The following RBPMS variants were observed in gnomAD, a reference collection of about 807,000 sequenced individuals.
RBPMS encodes the protein RNA binding protein, mRNA processing factor, also known as RNA-binding protein with multiple splicing.
Under a neutral mutation model 26.8 loss-of-function variants are expected in RBPMS, and 7 were observed. The ratio of observed to expected loss-of-function variants is 0.26; its 90% CI spans 0.15 to 0.49. The LOEUF (loss-of-function observed/expected upper bound fraction) is 0.49. Among genes scored for constraint, RBPMS ranks in the 20% least tolerant of loss-of-function variants. The pLI is 0.98. For synonymous variants in RBPMS, 96 were observed against 93.3 expected, an observed-to-expected ratio of 1.03 and a Z score of -0.17; for missense variants, 186 against 250.0, an observed-to-expected ratio of 0.74 and a Z score of 1.73.
intron 5 of RBPMS, among the ~76,000 whole-genome samples, chr8:30,504,709 G>A (rs1820912686): frequency 6.6e-6 from 1 of 152,184 alleles, no homozygotes; most frequent in East Asian, 1.9e-4. Flanking sequence ...TGACCATCAT[G>A]AGTATGCCCC....
intron 1 of RBPMS, among the ~76,000 whole-genome samples, chr8:30,414,387 G>A (rs1809816645): frequency 6.6e-6 from 1 of 152,224 alleles, no homozygotes; most frequent in African/African-American, 2.4e-5. Flanking sequence ...GTGGTGGGAA[G>A]TGGGACAAAG....
At chr8:30,554,573 G>A (rs371782399) in intron 6 of RBPMS, among the ~76,000 whole-genome samples, 3 of 152,196 alleles carry the variant, frequency 2.0e-5, no homozygotes, top group South Asian at 2.1e-4. Flanking sequence ...CATACTTTTC[G>A]AAACCTTAAT....
intron 1 of RBPMS, among the ~76,000 whole-genome samples, chr8:30,431,476 G>A (rs572302989): frequency 2.1e-5 from 3 of 145,692 alleles, no homozygotes; most frequent in Non-Finnish European, 3.0e-5. Context: ...TTCTTGAGAC[G>A]GACTCTCTCA....
rs1351218346 is a variant in RBPMS at position 30,426,822 on chromosome 8, GCCTGTGGGCATCCTCC to G, written c.66+41667_66+41682del. 5.3e-3 allele frequency among the ~76,000 whole-genome samples: 806 copies of G among 152,144 alleles called. 10 individuals are homozygous for G. The highest frequency in any genetic ancestry group is 0.018 in the African/African-American group (762 of 41,508). On this transcript the variant is annotated intron_variant, in intron 1 of 8. Transcript: ENST00000397323. ...TTGATCCCTTTGAGAGTCTGGTGAA[GCCTGTGGGCATCCTCC>G]CCAGAAAACACACACAGACATACAC...
At chr8:30,429,688 G>A (rs1330488749) in intron 1 of RBPMS, among the ~76,000 whole-genome samples, 1 of 152,146 alleles carries the variant, frequency 6.6e-6, no homozygotes, top group East Asian at 1.9e-4. Flanking sequence ...TTCCTTTCAT[G>A]TTTTGGCTTC....
intron 1 of RBPMS, among the ~76,000 whole-genome samples, chr8:30,461,101 A>C (rs1815840247): frequency 6.6e-6 from 1 of 152,042 alleles, no homozygotes; most frequent in South Asian, 2.1e-4. Context: ...GTGGGACTTT[A>C]AAGTAAAAAT....
intron 1 of RBPMS, among the ~76,000 whole-genome samples, chr8:30,429,481 A>G (rs1198361774): frequency 6.6e-6 from 1 of 152,218 alleles, no homozygotes; most frequent in Non-Finnish European, 1.5e-5. Flanking sequence ...AGCTAATGAC[A>G]GTGTTAGAAG....
At chr8:30,480,024 T>C (rs1818110839) in intron 4 of RBPMS, among the ~76,000 whole-genome samples, 1 of 152,154 alleles carries the variant, frequency 6.6e-6, no homozygotes, top group South Asian at 2.1e-4. Flanking sequence ...CCTTAGTATG[T>C]TGAAAAACTA....
chr8:30,388,102 A>T (rs925954290), intron 1 of RBPMS, among the ~76,000 whole-genome samples: 10 of 152,188 alleles, frequency 6.6e-5, no homozygotes, highest in African/African-American at 2.4e-4. Context: ...ATACATGTGT[A>T]ATACACGTAC....
chr8:30,485,581 C>T (rs1377958017), intron 4 of RBPMS, among the ~76,000 whole-genome samples: 1 of 152,220 alleles, frequency 6.6e-6, no homozygotes, highest in Non-Finnish European at 1.5e-5. Context: ...GGGTTGGGAA[C>T]GAGGCTTGTG....
chr8:30,461,518 C>G (rs889524817), intron 1 of RBPMS, among the ~76,000 whole-genome samples: 1 of 152,190 alleles, frequency 6.6e-6, no homozygotes, highest in Admixed American at 6.5e-5. Context: ...CCTCAGCCTC[C>G]TGAGTAGCTG....
At chr8:30,527,516 C>T (rs2151001302) in intron 5 of RBPMS, among the ~76,000 whole-genome samples, 1 of 152,310 alleles carries the variant, frequency 6.6e-6, no homozygotes, top group East Asian at 1.9e-4. Context: ...TTTGTAACTA[C>T]CATCTCGTCA....
rs147053208 is a variant in RBPMS at position 30,408,390 on chromosome 8, G to A, written c.66+23232G>A. Among the ~76,000 whole-genome samples the A allele has an allele frequency of 2.2e-3, 331 of 152,280 alleles. 1 individual carries two copies. The highest frequency in any genetic ancestry group is 3.4e-3 in the Non-Finnish European group (231 of 68,012). ...CTAAAAGTACAAAAATCAGCCAAGC[G>A]TGGTGGCGGGTGCCTGTAATCCCAG... On this transcript the variant is annotated intron_variant, in intron 1 of 8. Transcript: ENST00000397323.
chr8:30,562,022 A>G (rs997195177), intron 7 of RBPMS: 1 of 985,202 alleles, frequency 1.0e-6, no homozygotes, highest in African/African-American at 1.7e-5. Context: ...CTAGATCCGA[A>G]TAAGATCCGA....
chr8:30,474,590 T>C (rs924033470), intron 1 of RBPMS, among the ~76,000 whole-genome samples, 189 bp from the exon 2 acceptor site: 2 of 152,182 alleles, frequency 1.3e-5, no homozygotes. Flanking sequence ...TCCCCTAAAA[T>C]TTAAAAAGGA....
chr8:30,448,763 G>C (rs987778149), intron 1 of RBPMS, among the ~76,000 whole-genome samples: 1 of 152,198 alleles, frequency 6.6e-6, no homozygotes, highest in East Asian at 1.9e-4. Flanking sequence ...ATAAAGTGGC[G>C]ACAGAAATAG....
intron 5 of RBPMS, among the ~76,000 whole-genome samples, chr8:30,509,555 A>G (rs1456590188): frequency 1.3e-5 from 2 of 152,234 alleles, no homozygotes; most frequent in Non-Finnish European, 2.9e-5. Context: ...TCTCTGCGGG[A>G]CAAGGTCATC....
chr8:30,410,143 T>TACACACACACACACACACACAC (rs34489233), intron 1 of RBPMS, among the ~76,000 whole-genome samples: 1 of 132,096 alleles, frequency 7.6e-6, no homozygotes, highest in African/African-American at 2.7e-5. Flanking sequence ...TGACTTAAAA[T>TACACACACACACACACACACAC]ACACACACAC....
chr8:30,443,010 T>A (rs913404270), intron 1 of RBPMS, among the ~76,000 whole-genome samples: 1 of 152,202 alleles, frequency 6.6e-6, no homozygotes, highest in African/African-American at 2.4e-5. Flanking sequence ...ATAATTCCCC[T>A]GAAATATCCA....
Sources: allele counts gnomAD v4.1 joint callset (sites outside exome capture counted in the v4.1 genomes callset), GRCh38; gene constraint gnomAD v4.1.1; transcripts MANE v1.5; gene names NCBI Gene and HGNC (gene_info 2026-07-23, HGNC 2026-07-21).